Variants in TMEM232 observed in about 807,000 individuals in gnomAD.
The protein encoded by TMEM232 is transmembrane protein 232.
A neutral mutation model predicts 78.8 loss-of-function variants in TMEM232; 80 were observed. The observed-to-expected ratio is 1.01, with a 90% CI of 0.85 to 1.22. The LOEUF is 1.22. Among genes scored for constraint, TMEM232 ranks in the 50% most tolerant of loss-of-function variants. The pLI is 0.00. For missense variants in TMEM232, 881 were observed against 742.2 expected (o/e 1.19, Z -2.17); for synonymous variants, 297 against 254.3 (o/e 1.17, Z -1.60).
At chr5:110,574,393 C>T (rs963054450) in intron 10 of TMEM232, among the ~76,000 whole-genome samples, 1 of 152,094 alleles carries the variant, frequency 6.6e-6, no homozygotes, top group African/African-American at 2.4e-5. Flanking sequence ...ATTAACCATG[C>T]TCAAAGAGAG....
intron 11 of TMEM232, among the ~76,000 whole-genome samples, chr5:110,561,397 G>C (rs181473215): frequency 6.6e-6 from 1 of 151,344 alleles, no homozygotes; most frequent in African/African-American, 2.4e-5. Flanking sequence ...GTATATGTGT[G>C]GGTATATATA....
chr5:110,599,846 C>CA (rs775457259), intron 10 of TMEM232, among the ~76,000 whole-genome samples: 2 of 152,140 alleles, frequency 1.3e-5, no homozygotes, highest in Non-Finnish European at 2.9e-5. Flanking sequence ...CTCTCCACCA[C>CA]AAATCAACAG....
chr5:110,402,949 T>A (rs1265502298), intron 2 of TMEM232, among the ~76,000 whole-genome samples: 1 of 152,118 alleles, frequency 6.6e-6, no homozygotes, highest in African/African-American at 2.4e-5. Context: ...AGCTGTTCAC[T>A]ATAATCTAAT....
chr5:110,460,309 G>C (rs1029900323), intron 12 of TMEM232, among the ~76,000 whole-genome samples: 3 of 151,958 alleles, frequency 2.0e-5, no homozygotes, highest in African/African-American at 7.3e-5. Flanking sequence ...GTGTGTGTGT[G>C]TGTATGTGTG....
chr5:110,502,661 G>A (rs745500444), intron 12 of TMEM232, among the ~76,000 whole-genome samples: 1 of 152,066 alleles, frequency 6.6e-6, no homozygotes, highest in African/African-American at 2.4e-5. Flanking sequence ...TTCAATATGC[G>A]AACCTCACCT....
At chr5:110,480,441 G>C (rs1763734885) in intron 12 of TMEM232, among the ~76,000 whole-genome samples, 1 of 151,984 alleles carries the variant, frequency 6.6e-6, no homozygotes, top group Non-Finnish European at 1.5e-5. Flanking sequence ...ACAATAAACA[G>C]AGAGTTCATA....
chr5:110,626,527 A>T (rs966173275), intron 6 of TMEM232, among the ~76,000 whole-genome samples: 8 of 151,868 alleles, frequency 5.3e-5, no homozygotes, highest in African/African-American at 1.9e-4. Flanking sequence ...CCCTTTCTTT[A>T]TCTTGAGCCT....
At chr5:110,654,382 C>G (rs1013501556) in intron 2 of TMEM232, among the ~76,000 whole-genome samples, 1 of 152,166 alleles carries the variant, frequency 6.6e-6, no homozygotes, top group Non-Finnish European at 1.5e-5. Context: ...AGCCAGTTTT[C>G]CCAGCACCAT....
At chr5:110,474,787 G>A (rs915659235) in intron 12 of TMEM232, among the ~76,000 whole-genome samples, 1 of 151,744 alleles carries the variant, frequency 6.6e-6, no homozygotes, top group African/African-American at 2.4e-5. Context: ...TTTAAAAGAT[G>A]TCATTTGAAA....
chr5:110,488,226 T>A (rs994948805), intron 12 of TMEM232, among the ~76,000 whole-genome samples: 3 of 152,120 alleles, frequency 2.0e-5, no homozygotes, highest in South Asian at 2.1e-4. Flanking sequence ...TCAGTGAGGT[T>A]ATATGGATTT....
chr5:110,574,737 C>A (rs974764851), intron 10 of TMEM232, among the ~76,000 whole-genome samples: 19 of 152,084 alleles, frequency 1.2e-4, no homozygotes, highest in African/African-American at 4.6e-4. Context: ...ATGTTCTTCA[C>A]ACAACTTCTC....
At chr5:110,468,123 T>A (rs746673340) in intron 12 of TMEM232, among the ~76,000 whole-genome samples, 1 of 152,024 alleles carries the variant, frequency 6.6e-6, no homozygotes, top group Non-Finnish European at 1.5e-5. Flanking sequence ...ATAGATACAT[T>A]ACTTTACTTT....
chr5:110,659,817 T>C (rs2150097456), intron 2 of TMEM232, among the ~76,000 whole-genome samples: 1 of 152,144 alleles, frequency 6.6e-6, no homozygotes, highest in East Asian at 1.9e-4. Context: ...AATGGGAAAA[T>C]TAGTCACATC....
At chr5:110,702,994 C>T (rs902038884) in intron 1 of TMEM232, among the ~76,000 whole-genome samples, 11 of 151,998 alleles carry the variant, frequency 7.2e-5, no homozygotes, top group Non-Finnish European at 1.5e-4. Flanking sequence ...TTCTGACCTC[C>T]TCCTAGAAGC....
intron 1 of TMEM232, among the ~76,000 whole-genome samples, chr5:110,702,452 C>A (rs567539326): frequency 6.6e-6 from 1 of 152,096 alleles, no homozygotes; most frequent in South Asian, 2.1e-4. Flanking sequence ...GTATCTCACT[C>A]TGTAGAAGCT....
chr5:110,619,850 G>A (rs970553521), intron 7 of TMEM232, among the ~76,000 whole-genome samples: 1 of 151,740 alleles, frequency 6.6e-6, no homozygotes, highest in Non-Finnish European at 1.5e-5. Flanking sequence ...ACACCAAGAT[G>A]GCACATGTAT....
chr5:110,681,581 T>C (rs2150183231), intron 1 of TMEM232, among the ~76,000 whole-genome samples: 1 of 152,138 alleles, frequency 6.6e-6, no homozygotes, highest in South Asian at 2.1e-4. Flanking sequence ...TCTATCTTCA[T>C]CCGAAAAAAG....
intron 1 of TMEM232, among the ~76,000 whole-genome samples, chr5:110,725,984 C>T (rs572852447): frequency 1.3e-5 from 2 of 151,958 alleles, no homozygotes; most frequent in African/African-American, 4.8e-5. Flanking sequence ...AAATAAGAGA[C>T]TCTTACTACA....
intron 12 of TMEM232, among the ~76,000 whole-genome samples, chr5:110,483,205 T>C (rs1423360756): frequency 1.3e-5 from 2 of 152,142 alleles, no homozygotes; most frequent in African/African-American, 2.4e-5. Flanking sequence ...GAGCAAAGAA[T>C]GTGTGCACTG....
Sources: gnomAD v4.1 joint callset for allele counts (sites outside exome capture counted in the v4.1 genomes callset) on GRCh38, gnomAD v4.1.1 for gene constraint, MANE v1.5 for transcripts, NCBI Gene and HGNC (gene_info 2026-07-23, HGNC 2026-07-21) for gene names.